The following RAD51B variants were observed in gnomAD, a reference collection of about 807,000 sequenced individuals.
The protein encoded by RAD51B is RAD51 paralog B.
In RAD51B, 38 loss-of-function variants were observed where a neutral mutation model predicts 42.2. That is an observed-to-expected ratio of 0.90 (90% CI 0.70 to 1.18). The LOEUF (loss-of-function observed/expected upper bound fraction) is 1.18, where lower values mean the gene tolerates loss of function less well. RAD51B is among the 50% of genes most tolerant of loss of function. The pLI, the probability that RAD51B is intolerant of heterozygous loss-of-function variation, is 0.00. For synonymous variants in RAD51B, 154 were observed against 145.2 expected, an observed-to-expected ratio of 1.06 and a Z score of -0.43; for missense variants, 373 against 400.7, an observed-to-expected ratio of 0.93 and a Z score of 0.59.
chr14:67,821,523 C>CT (rs2040627199), intron 1 of RAD51B, among the ~76,000 whole-genome samples: 1 of 152,152 alleles, frequency 6.6e-6, no homozygotes, highest in Non-Finnish European at 1.5e-5. Flanking sequence ...AGTGGCATGA[C>CT]CACAGCTCAC....
chr14:67,839,449 A>G (rs1211594175), intron 4 of RAD51B, among the ~76,000 whole-genome samples: 4 of 151,990 alleles, frequency 2.6e-5, no homozygotes, highest in Non-Finnish European at 4.4e-5. Flanking sequence ...TATGTTTTCA[A>G]ATTTATTATA....
At chr14:67,992,753 A>AT (rs1409557742) in intron 7 of RAD51B, among the ~76,000 whole-genome samples, 2 of 140,496 alleles carry the variant, frequency 1.4e-5, no homozygotes, top group African/African-American at 5.8e-5. Flanking sequence ...AGAAGGAAAA[A>AT]TGTTTTTTTT....
intron 8 of RAD51B, among the ~76,000 whole-genome samples, chr14:68,409,735 G>C (rs1434954241): frequency 6.6e-6 from 1 of 152,224 alleles, no homozygotes; most frequent in African/African-American, 2.4e-5. Context: ...AAAGTGCTCA[G>C]AGTGCATTGT....
intron 7 of RAD51B, among the ~76,000 whole-genome samples, chr14:68,126,901 T>A (rs2077772304): frequency 6.6e-6 from 1 of 152,198 alleles, no homozygotes; most frequent in Non-Finnish European, 1.5e-5. Flanking sequence ...ATAAAGACTT[T>A]AAAGTAGCTG....
At chr14:68,147,857 C>T (rs971094257) in intron 7 of RAD51B, among the ~76,000 whole-genome samples, 1 of 150,660 alleles carries the variant, frequency 6.6e-6, no homozygotes, top group Non-Finnish European at 1.5e-5. Flanking sequence ...ATAAACAGCA[C>T]ATATTTAGTC....
At chr14:67,991,336 A>G (rs1303632563) in intron 7 of RAD51B, among the ~76,000 whole-genome samples, 1 of 152,188 alleles carries the variant, frequency 6.6e-6, no homozygotes, top group African/African-American at 2.4e-5. Context: ...AAAAATGATG[A>G]TCTCTAAGAA....
chr14:68,537,869 G>A (rs986414294), intron 10 of RAD51B, among the ~76,000 whole-genome samples: 1 of 152,024 alleles, frequency 6.6e-6, no homozygotes, highest in African/African-American at 2.4e-5. Flanking sequence ...GGTTAGAAGA[G>A]GTATTTTGTC....
At chr14:67,842,836 T>TAA (rs1659777750) in intron 4 of RAD51B, among the ~76,000 whole-genome samples, 1 of 152,196 alleles carries the variant, frequency 6.6e-6, no homozygotes, top group Non-Finnish European at 1.5e-5. Flanking sequence ...TATTTTGAGG[T>TAA]ATGTTCATTT....
intron 8 of RAD51B, among the ~76,000 whole-genome samples, chr14:68,329,836 G>T (rs2082314823): frequency 6.6e-6 from 1 of 152,012 alleles, no homozygotes. Context: ...GAAAAAATGG[G>T]CTGGGCATGG....
chr14:68,059,595 C>T (rs902374730), intron 7 of RAD51B, among the ~76,000 whole-genome samples: 1 of 152,142 alleles, frequency 6.6e-6, no homozygotes, highest in Non-Finnish European at 1.5e-5. Flanking sequence ...AGGTGGAATT[C>T]TACTTTTTAA....
At chr14:67,978,836 C>G (rs1242775278) in intron 7 of RAD51B, among the ~76,000 whole-genome samples, 1 of 152,228 alleles carries the variant, frequency 6.6e-6, no homozygotes, top group Non-Finnish European at 1.5e-5. Flanking sequence ...CTTGATCACT[C>G]TGCTGCATTT....
chr14:68,097,624 C>CT (rs2077217987), intron 7 of RAD51B, among the ~76,000 whole-genome samples: 1 of 152,126 alleles, frequency 6.6e-6, no homozygotes, highest in Non-Finnish European at 1.5e-5. Context: ...TAAGGAGACA[C>CT]TAAGAATTCT....
intron 9 of RAD51B, among the ~76,000 whole-genome samples, chr14:68,424,890 T>A (rs570557441): frequency 5.3e-5 from 8 of 152,322 alleles, no homozygotes; most frequent in African/African-American, 1.9e-4. Flanking sequence ...TTCTTCCACC[T>A]TAGCCTCCCA....
At chr14:68,522,575 TCAAG>T (rs1032019510) in intron 10 of RAD51B, among the ~76,000 whole-genome samples, 2 of 152,218 alleles carry the variant, frequency 1.3e-5, no homozygotes, top group African/African-American at 4.8e-5. Flanking sequence ...CCATCTGATT[TCAAG>T]CATGTACCGG....
At chr14:67,909,331 G>A (rs1311857654) in intron 7 of RAD51B, among the ~76,000 whole-genome samples, 1 of 152,190 alleles carries the variant, frequency 6.6e-6, no homozygotes, top group African/African-American at 2.4e-5. Context: ...ACACTGAAGA[G>A]TGGAAAAATT....
intron 7 of RAD51B, among the ~76,000 whole-genome samples, chr14:68,056,554 A>G (rs1185788612): frequency 6.6e-6 from 1 of 151,652 alleles, no homozygotes; most frequent in East Asian, 2.0e-4. Flanking sequence ...TTTGAGACCA[A>G]CCTGGGCAAC....
chr14:68,140,062 A>G (rs1002903527), intron 7 of RAD51B, among the ~76,000 whole-genome samples: 21 of 152,222 alleles, frequency 1.4e-4, no homozygotes, highest in Non-Finnish European at 1.5e-5. Flanking sequence ...TGATCGTCTC[A>G]TTAAGCCCTA....
chr14:68,082,171 AG>A (rs1173275506), intron 7 of RAD51B, among the ~76,000 whole-genome samples: 4 of 152,112 alleles, frequency 2.6e-5, no homozygotes, highest in African/African-American at 9.7e-5. Flanking sequence ...CATGTTAGCC[AG>A]GATGGTCTCG....
intron 7 of RAD51B, among the ~76,000 whole-genome samples, chr14:68,078,104 A>G (rs2076862113): frequency 6.6e-6 from 1 of 152,196 alleles, no homozygotes; most frequent in Admixed American, 6.5e-5. Context: ...GCACTATTAT[A>G]ATAATATAAT....
Sources: allele counts gnomAD v4.1 joint callset (sites outside exome capture counted in the v4.1 genomes callset), GRCh38; gene constraint gnomAD v4.1.1; transcripts MANE v1.5; gene names NCBI Gene and HGNC (gene_info 2026-07-23, HGNC 2026-07-21).